KCNJ3: variants seen among roughly 807,000 people sequenced by gnomAD.
KCNJ3 encodes the protein G protein-activated inward rectifier potassium channel 1.
A neutral mutation model predicts 39.2 loss-of-function variants in KCNJ3; 4 were observed. That is an observed-to-expected ratio of 0.10 (90% CI 0.05 to 0.23). KCNJ3 has a LOEUF of 0.23. KCNJ3 is among the 10% of genes least tolerant of loss of function. The pLI is 1.00. For synonymous variants in KCNJ3, 230 were observed against 237.4 expected, an observed-to-expected ratio of 0.97 and a Z score of 0.29; for missense variants, 276 against 634.9, an observed-to-expected ratio of 0.43 and a Z score of 6.08.
At chr2:154,787,293 G>A (rs147406711) in intron 2 of KCNJ3, among the ~76,000 whole-genome samples, 2 of 152,032 alleles carry the variant, frequency 1.3e-5, no homozygotes, top group African/African-American at 4.8e-5. Flanking sequence ...TTTGCTCTTA[G>A]CATTGTCTTG....
At chr2:154,707,171 A>T (rs1685024869) in intron 1 of KCNJ3, among the ~76,000 whole-genome samples, 1 of 151,960 alleles carries the variant, frequency 6.6e-6, no homozygotes, top group South Asian at 2.1e-4. Context: ...AAAATATATG[A>T]GCATTGAAAG....
chr2:154,822,611 C>G (rs1003993230), intron 2 of KCNJ3, among the ~76,000 whole-genome samples: 1 of 152,128 alleles, frequency 6.6e-6, no homozygotes, highest in African/African-American at 2.4e-5. Flanking sequence ...CTAATGAATA[C>G]TATGTTTGAA....
chr2:154,830,440 A>G (rs990692182), intron 2 of KCNJ3, among the ~76,000 whole-genome samples: 1 of 152,148 alleles, frequency 6.6e-6, no homozygotes, highest in Non-Finnish European at 1.5e-5. Context: ...AATCATCAAA[A>G]CACTATAAGA....
chr2:154,826,574 A>G (rs1687275468), intron 2 of KCNJ3, among the ~76,000 whole-genome samples: 2 of 152,226 alleles, frequency 1.3e-5, no homozygotes, highest in African/African-American at 4.8e-5. Context: ...TTGCAGACAT[A>G]AAGTTAAAAC....
At chr2:154,726,774 AC>A in intron 2 of KCNJ3, among the ~76,000 whole-genome samples, 1 of 144,004 alleles carries the variant, frequency 6.9e-6, no homozygotes, top group Non-Finnish European at 1.5e-5. Context: ...ACACACACAC[AC>A]ACACATACAT....
At chr2:154,707,602 G>A (rs1685035624) in intron 1 of KCNJ3, among the ~76,000 whole-genome samples, 1 of 152,062 alleles carries the variant, frequency 6.6e-6, no homozygotes, top group South Asian at 2.1e-4. Flanking sequence ...TAATACTTGG[G>A]AAAATATATC....
intron 2 of KCNJ3, among the ~76,000 whole-genome samples, chr2:154,748,131 A>G (rs1213147075): frequency 6.6e-6 from 1 of 152,060 alleles, no homozygotes; most frequent in Non-Finnish European, 1.5e-5. Flanking sequence ...AAACCATATT[A>G]GATTATTTTT....
intron 2 of KCNJ3, among the ~76,000 whole-genome samples, chr2:154,848,091 T>G (rs778594845): frequency 5.3e-5 from 8 of 152,210 alleles, no homozygotes; most frequent in South Asian, 2.1e-4. Flanking sequence ...ACAACTCAAA[T>G]ATATATACAC....
chr2:154,726,939 G>GT lies in KCNJ3; in HGVS notation c.919+17125dup, dbSNP rs546387157. Among the ~76,000 whole-genome samples the GT allele has an allele frequency of 6.0e-4, 91 of 151,852 alleles. 2 individuals are homozygous for GT. The East Asian group carries it at 0.016, about 27-fold the overall frequency. On this transcript the variant is annotated intron_variant, in intron 2 of 2. Transcript: ENST00000295101. ...AGGAATAGAAAACCAAATATCATAT[G>GT]TTTTTACTTATTGGGAGCTAAGCTA...
At chr2:154,768,944 A>G (rs1686184479) in intron 2 of KCNJ3, among the ~76,000 whole-genome samples, 2 of 152,100 alleles carry the variant, frequency 1.3e-5, no homozygotes, top group South Asian at 4.1e-4. Context: ...TTCTTTTTGA[A>G]GTAATTGTGA....
At chr2:154,832,320 G>A (rs1687378554) in intron 2 of KCNJ3, among the ~76,000 whole-genome samples, 1 of 152,162 alleles carries the variant, frequency 6.6e-6, no homozygotes, top group Admixed American at 6.5e-5. Context: ...GAGAGTCCCT[G>A]AAGCTTAATC....
At chr2:154,843,281 T>C (rs569804080) in intron 2 of KCNJ3, among the ~76,000 whole-genome samples, 2 of 152,214 alleles carry the variant, frequency 1.3e-5, no homozygotes, top group Non-Finnish European at 2.9e-5. Flanking sequence ...CTCTTCTGGC[T>C]TGCTTGGTTT....
At chr2:154,758,884 T>A (rs1290543893) in intron 2 of KCNJ3, among the ~76,000 whole-genome samples, 1 of 152,230 alleles carries the variant, frequency 6.6e-6, no homozygotes, top group Non-Finnish European at 1.5e-5. Flanking sequence ...AAGGGTGTTC[T>A]AAAGTATTTG....
At chr2:154,727,693 C>G (rs915245151) in intron 2 of KCNJ3, among the ~76,000 whole-genome samples, 1 of 150,120 alleles carries the variant, frequency 6.7e-6, no homozygotes, top group African/African-American at 2.5e-5. Context: ...AATATGATTT[C>G]TCACGTTAAA....
intron 2 of KCNJ3, among the ~76,000 whole-genome samples, chr2:154,723,213 A>T (rs2105161271): frequency 6.6e-6 from 1 of 152,244 alleles, no homozygotes; most frequent in East Asian, 1.9e-4. Context: ...TGAGTCTGGG[A>T]AGTCAAGGCT....
At chr2:154,844,881 C>G (rs1687640421) in intron 2 of KCNJ3, among the ~76,000 whole-genome samples, 1 of 152,136 alleles carries the variant, frequency 6.6e-6, no homozygotes, top group Non-Finnish European at 1.5e-5. Context: ...AAAGGGAAAT[C>G]CCCAGACCCC....
At chr2:154,776,584 T>C (rs1216577462) in intron 2 of KCNJ3, among the ~76,000 whole-genome samples, 3 of 152,170 alleles carry the variant, frequency 2.0e-5, no homozygotes, top group South Asian at 4.1e-4. Flanking sequence ...TTGTCACATA[T>C]CTAATTTAGG....
In KCNJ3 at chr2:154,856,528, CTT is replaced by C. The variant is rs1422739209; in HGVS notation, c.*1219_*1220del. The C allele has an allele frequency of 6.6e-6, 1 of 152,104 alleles. No individual in the cohort carries two copies. The highest frequency in any genetic ancestry group is 1.9e-4 in the East Asian group (1 of 5,188). The allele number at this position is 152,104 out of a possible 1,614,324, so 9.4% of individuals were successfully genotyped here. ...ATGGCATTTGTTGTAACAGGATAGA[CTT>C]TTTCCTCACCTAGGAAACCTATCCC... On this transcript the variant is annotated 3_prime_UTR_variant, in exon 3 of 3. Coordinates refer to ENST00000295101, the MANE Select transcript of KCNJ3 (RefSeq NM_002239.4).
chr2:154,818,271 G>T (rs968861462), intron 2 of KCNJ3, among the ~76,000 whole-genome samples: 2 of 152,110 alleles, frequency 1.3e-5, no homozygotes, highest in Non-Finnish European at 2.9e-5. Flanking sequence ...ATTCTTCGAA[G>T]TATGGGTCTT....
Sources: allele counts gnomAD v4.1 joint callset (sites outside exome capture counted in the v4.1 genomes callset), GRCh38; gene constraint gnomAD v4.1.1; transcripts MANE v1.5; gene names NCBI Gene and HGNC (gene_info 2026-07-23, HGNC 2026-07-21).